The following MYLK3 variants were observed in gnomAD, a reference collection of about 807,000 sequenced individuals.
The protein encoded by MYLK3 is myosin light chain kinase 3, also known as MLC kinase.
In MYLK3, 55 loss-of-function variants were observed where a neutral mutation model predicts 76.3. The observed-to-expected ratio is 0.72, with a 90% CI of 0.58 to 0.90. The LOEUF (loss-of-function observed/expected upper bound fraction) is 0.90, where lower values mean the gene tolerates loss of function less well. Ranked by LOEUF, MYLK3 falls within the 40% of genes least tolerant of loss-of-function variation. The pLI, the probability that MYLK3 is intolerant of heterozygous loss-of-function variation, is 0.00. For missense variants in MYLK3, 973 were observed against 1,053.6 expected (o/e 0.92, Z 1.06); for synonymous variants, 416 against 425.4 (o/e 0.98, Z 0.27).
At chr16:46,723,160 AT>A in intron 8 of MYLK3, among the ~76,000 whole-genome samples, 1 of 151,918 alleles carries the variant, frequency 6.6e-6, no homozygotes. Flanking sequence ...TTCCCACCCC[AT>A]GGCAATCATT....
chr16:46,714,877 G>A (rs1317576842), intron 9 of MYLK3, among the ~76,000 whole-genome samples: 1 of 152,116 alleles, frequency 6.6e-6, no homozygotes, highest in Non-Finnish European at 1.5e-5. Flanking sequence ...CCCAGTCAGG[G>A]GTATGTGGGT....
chr16:46,737,801 A>T lies in MYLK3; in HGVS notation c.911T>A (p.Leu304Gln). The T allele has an allele frequency of 6.2e-7, 1 of 1,612,622 alleles. No individual in the cohort carries two copies. The highest frequency in any genetic ancestry group is 2.2e-5 in the East Asian group (1 of 44,866). Residue 304 changes from leucine (L) to glutamine (Q), a missense_variant, in exon 3 of 13, where the codon CTG (leucine) becomes CAG (glutamine). This residue lies in a region of MYLK3 where 641 missense variants were observed against 637.0 expected (regional missense o/e 1.01). Transcript: ENST00000394809. ...DPEPLEEGTR[L>Q]TPGPGPQCPG... ...GCACTGAGGGCCAGGCCCTGGAGTC[A>T]GCCTCGTGCCTTCCTCTAAGGGCTC...
rs1596767029 is a variant in MYLK3 at position 46,738,273 on chromosome 16, A to C, written c.569-130T>G. 6.3e-6 allele frequency: 5 copies of C among 791,592 alleles called. No homozygotes were observed. In the East Asian group the frequency reaches 1.4e-4, roughly 21 times the overall value. 49.0% of individuals were successfully genotyped at this position (791,592 alleles called of 1,614,324 possible). ...ATAGCCAAAGACTGGAAGCAACCCAAATGAAAGGGGCTGGTTGACTAAACC... is the reference window on the plus strand; with the variant it reads ...ATAGCCAAAGACTGGAAGCAACCCACATGAAAGGGGCTGGTTGACTAAACC... On this transcript the variant is annotated intron_variant, in intron 2 of 12. Transcript: ENST00000394809.
At chr16:46,732,746 A>C (rs1966855297) in intron 3 of MYLK3, 78 bp from the exon 4 acceptor site, 1 of 1,161,936 alleles carries the variant, frequency 8.6e-7, no homozygotes, top group African/African-American at 1.6e-5. Context: ...TCCAATGCCC[A>C]CTGCTGCCAT....
chr16:46,710,677 C>A lies in MYLK3; in HGVS notation c.2227G>T (p.Ala743Ser). 1 of 1,614,164 alleles carries A rather than the reference C, an allele frequency of 6.2e-7. No homozygotes were observed. Among genetic ancestry groups the A allele is most frequent in the East Asian group, 2.2e-5 (1 of 44,884 alleles). Residue 743 changes from alanine to serine, a missense_variant, in exon 11 of 13, where the codon GCC (alanine) becomes TCC (serine). Coordinates refer to ENST00000394809, the MANE Select transcript of MYLK3 (RefSeq NM_182493.3). ...AGCAACCGGGAAACAAAGTCCTTGG[C>A]CTCCTCCGAGAGCCCTTCAAAGGTG... ...ADTFEGLSEE[A>S]KDFVSRLLVK...
chr16:46,738,627 G>A (rs1171385785), intron 2 of MYLK3, among the ~76,000 whole-genome samples: 1 of 152,234 alleles, frequency 6.6e-6, no homozygotes, highest in Non-Finnish European at 1.5e-5. Context: ...AAGAAAGCAA[G>A]GTGGAGAATG....
At chr16:46,752,248 T>G (rs1967135530), upstream of MYLK3, among the ~76,000 whole-genome samples, 1 of 152,068 alleles carries the variant, frequency 6.6e-6, no homozygotes, top group African/African-American at 2.4e-5. Context: ...TACTTTGTTT[T>G]TTTCTAAGAT....
chr16:46,726,960 T>C, intron 8 of MYLK3: 1 of 286,786 alleles, frequency 3.5e-6, no homozygotes, highest in Non-Finnish European at 6.5e-6. Context: ...CTTTTGAACT[T>C]TTAAAAAAAG....
chr16:46,757,502 T>G (rs761848173), intron 1 of MYLK3: 1 of 985,186 alleles, frequency 1.0e-6, no homozygotes, highest in African/African-American at 1.7e-5. Context: ...GGGCACAGAG[T>G]CCCCATCCAT....
At chr16:46,756,501 G>A (rs1967202486) in intron 1 of MYLK3, among the ~76,000 whole-genome samples, 2 of 152,206 alleles carry the variant, frequency 1.3e-5, no homozygotes, top group South Asian at 2.1e-4. Flanking sequence ...GACAGGAGAC[G>A]GGTTATCCAG....
intron 9 of MYLK3, among the ~76,000 whole-genome samples, chr16:46,719,377 G>A (rs967081035): frequency 5.9e-5 from 9 of 151,946 alleles, no homozygotes; most frequent in South Asian, 2.1e-4. Context: ...TGTCATTCTC[G>A]GAGGAAACAG....
chr16:46,723,804 G>A (rs371616756), intron 8 of MYLK3, among the ~76,000 whole-genome samples: 3 of 151,896 alleles, frequency 2.0e-5, no homozygotes, highest in East Asian at 1.9e-4. Context: ...CATGTGCCAC[G>A]ACACCCAGAT....
Position 46,748,278 on chromosome 16 carries a change from A to G in MYLK3, c.-85T>C. 2 of 1,496,276 alleles carry G rather than the reference A, an allele frequency of 1.3e-6. No homozygotes were observed. Among genetic ancestry groups the G allele is most frequent in the Non-Finnish European group, 1.8e-6 (2 of 1,126,070 alleles). The allele number at this position is 1,496,276 out of a possible 1,614,324, so 92.7% of individuals were successfully genotyped here. On this transcript the variant is annotated 5_prime_UTR_variant, in exon 1 of 13. Transcript: ENST00000394809. The surrounding 1 kb of genome is among the most constrained non-coding windows in gnomAD (Gnocchi z 4.3). ...TCTCACTCAGGCGGTGGTGTCTGCAAGGTCATTGTCCTCCGTAGCTGACAG... is the reference window on the plus strand; with the variant it reads ...TCTCACTCAGGCGGTGGTGTCTGCAGGGTCATTGTCCTCCGTAGCTGACAG...
At chr16:46,748,504 G>A (rs796969881), upstream of MYLK3, among the ~76,000 whole-genome samples, 59 of 152,302 alleles carry the variant, frequency 3.9e-4, 1 homozygote, top group African/African-American at 1.4e-3. This position sits in a 1 kb window ranked among gnomAD's most constrained non-coding sequence, Gnocchi z 4.3. Context: ...AGAGGCTGCT[G>A]ATGGGCAAAT....
intron 3 of MYLK3, among the ~76,000 whole-genome samples, chr16:46,736,720 G>A (rs1324491109): frequency 1.3e-5 from 2 of 152,178 alleles, no homozygotes; most frequent in East Asian, 1.9e-4. Context: ...ACAGACACCA[G>A]ATCCACTCCC....
chr16:46,710,966 G>T, intron 10 of MYLK3, 177 bp from the exon 11 acceptor site: 1 of 684,762 alleles, frequency 1.5e-6, no homozygotes, highest in South Asian at 1.8e-5. Context: ...TTAAAGGGAG[G>T]AAGCGGAAGG....
At chr16:46,759,644 AT>A (rs1009732921) in intron 1 of MYLK3, among the ~76,000 whole-genome samples, 2 of 141,418 alleles carry the variant, frequency 1.4e-5, no homozygotes, top group African/African-American at 5.3e-5. Context: ...TTTTTTTTTA[AT>A]TTTTTTTATT....
At chr16:46,719,833 C>A (rs900137836) in intron 9 of MYLK3, among the ~76,000 whole-genome samples, 4 of 152,224 alleles carry the variant, frequency 2.6e-5, no homozygotes, top group Admixed American at 2.6e-4. Flanking sequence ...GCAACATTAG[C>A]CACACTGCAC....
At chr16:46,747,364 C>A (rs1479361245) in intron 1 of MYLK3, among the ~76,000 whole-genome samples, 1 of 152,192 alleles carries the variant, frequency 6.6e-6, no homozygotes. Flanking sequence ...CCTGCCTGTC[C>A]CACCCCATGT....
Sources: gnomAD v4.1 joint callset for allele counts (sites outside exome capture counted in the v4.1 genomes callset) on GRCh38, gnomAD v4.1.1 for gene constraint, gnomAD v4.1.1 regional missense constraint, Gnocchi (gnomAD v3.1) non-coding constraint, MANE v1.5 for transcripts, NCBI Gene and HGNC (gene_info 2026-07-23, HGNC 2026-07-21) for gene names.